The following CDYL variants were observed in gnomAD, a reference collection of about 807,000 sequenced individuals.
CDYL encodes the protein chromodomain Y like, also known as chromodomain Y-like protein.
Under a neutral mutation model 47.3 loss-of-function variants are expected in CDYL, and 8 were observed. The observed-to-expected ratio is 0.17, with a 90% confidence interval of 0.10 to 0.31. The LOEUF is 0.31. Among genes scored for constraint, CDYL ranks in the 10% least tolerant of loss-of-function variants. The pLI, the probability that CDYL is intolerant of heterozygous loss-of-function variation, is 1.00. For missense variants in CDYL, 471 were observed against 701.4 expected, an observed-to-expected ratio of 0.67 and a Z score of 3.71; for synonymous variants, 266 against 265.0, an observed-to-expected ratio of 1.00 and a Z score of -0.04.
chr6:4,839,454 T>C (rs895370308), intron 1 of CDYL, among the ~76,000 whole-genome samples: 4 of 152,388 alleles, frequency 2.6e-5, no homozygotes, highest in African/African-American at 9.6e-5. Context: ...TTTGTTTTTG[T>C]TGCATTTGCT....
chr6:4,753,341 C>A (rs1489599389), intron 3 of CDYL, among the ~76,000 whole-genome samples: 2 of 152,186 alleles, frequency 1.3e-5, no homozygotes, highest in Non-Finnish European at 2.9e-5. Context: ...TATGAGGTAG[C>A]TTTCCTCTTG....
At chr6:4,717,489 G>T (rs1010769573) in intron 2 of CDYL, among the ~76,000 whole-genome samples, 2 of 151,792 alleles carry the variant, frequency 1.3e-5, no homozygotes, top group African/African-American at 4.8e-5. Context: ...TTGAGGCCAG[G>T]AGTTCAGCAA....
Position 4,809,946 on chromosome 6 carries a change from G to A in CDYL, c.24+33139G>A, listed in dbSNP as rs186271145. ...TAGGGGTATTATATTAGTCCTTGGCGATATTTTGTATGGTAGGGGTATTAT... is the reference window on the plus strand; with the variant it reads ...TAGGGGTATTATATTAGTCCTTGGCAATATTTTGTATGGTAGGGGTATTAT... On this transcript the variant is annotated intron_variant, in intron 1 of 6. Transcript: ENST00000397588. Among the ~76,000 whole-genome samples the A allele has an allele frequency of 5.3e-5, 8 of 151,468 alleles. No homozygotes were observed. The East Asian group carries it at 1.2e-3, about 22-fold the overall frequency.
intron 3 of CDYL, among the ~76,000 whole-genome samples, chr6:4,746,076 T>G (rs888110401): frequency 6.6e-6 from 1 of 151,830 alleles, no homozygotes; most frequent in Non-Finnish European, 1.5e-5. Context: ...AGAAGGTTCA[T>G]TCTAGCTGGC....
chr6:4,881,624 A>G (rs1039025477), intron 1 of CDYL, among the ~76,000 whole-genome samples: 3 of 152,098 alleles, frequency 2.0e-5, no homozygotes, highest in African/African-American at 7.2e-5. Flanking sequence ...ATTGTTATAT[A>G]TTTTCTGTCT....
chr6:4,894,071 G>A (rs1762127955), intron 2 of CDYL, among the ~76,000 whole-genome samples: 1 of 152,210 alleles, frequency 6.6e-6, no homozygotes, highest in Non-Finnish European at 1.5e-5. Flanking sequence ...TGACCTCATG[G>A]ATACAGTTTT....
intron 1 of CDYL, among the ~76,000 whole-genome samples, chr6:4,832,772 C>CA (rs1269685435): frequency 1.4e-5 from 2 of 146,120 alleles, no homozygotes; most frequent in African/African-American, 2.6e-5. Context: ...TTGGTCTATT[C>CA]AGAGATTCAA....
At chr6:4,734,990 T>C in intron 3 of CDYL, 1 of 1,383,474 alleles carries the variant, frequency 7.2e-7, no homozygotes, top group Non-Finnish European at 9.5e-7. Flanking sequence ...GTGGACTCCT[T>C]AGAATGATGT....
At chr6:4,796,774 T>TA (rs1759082889) in intron 1 of CDYL, among the ~76,000 whole-genome samples, 2 of 152,222 alleles carry the variant, frequency 1.3e-5, no homozygotes, top group Middle Eastern at 3.2e-3. Context: ...GAGCACCATA[T>TA]AACTAGATTT....
chr6:4,935,629 C>G lies in CDYL; in HGVS notation c.806C>G (p.Pro269Arg). The change falls in exon 3 of 7, where the codon CCT (proline) becomes CGT (arginine). Residue 269 changes from proline to arginine, a missense_variant. Physicochemically the swap from Pro to Arg is moderately radical, Grantham distance 103. Transcript: ENST00000397588. ...TTTATTGACGACAGAAGAGACCAGCCTTTTGACAAGCGATTGCGTTTCAGC... is the reference window on the plus strand; with the variant it reads ...TTTATTGACGACAGAAGAGACCAGCGTTTTGACAAGCGATTGCGTTTCAGC... ...RKFIDDRRDQ[P>R]FDKRLRFSVR... 1 of 1,614,218 alleles carries G rather than the reference C, an allele frequency of 6.2e-7. No individual in the cohort carries two copies. Among genetic ancestry groups the G allele is most frequent in the Non-Finnish European group, 8.5e-7 (1 of 1,180,048 alleles).
At chr6:4,788,355 T>C (rs1479520317) in intron 1 of CDYL, among the ~76,000 whole-genome samples, 4 of 151,462 alleles carry the variant, frequency 2.6e-5, no homozygotes, top group African/African-American at 7.3e-5. Flanking sequence ...AGTGTGGTGG[T>C]GCCTGTAGTC....
At chr6:4,712,593 C>T (rs1239931686) in intron 1 of CDYL, among the ~76,000 whole-genome samples, 1 of 152,232 alleles carries the variant, frequency 6.6e-6, no homozygotes, top group Admixed American at 6.5e-5. Context: ...GGTGGGTACT[C>T]TCATGCCCTG....
rs140138635 is a variant in CDYL at position 4,937,636 on chromosome 6, C to T, written c.1020C>T (p.Ala340=). 140 of 1,613,774 alleles carry T rather than the reference C, an allele frequency of 8.7e-5. No homozygotes were observed. The African/African-American group carries it at 1.6e-3, about 18-fold the overall frequency. The change falls in exon 4 of 7, where the codon GCC becomes GCT. Residue 340 remains alanine (A), a synonymous_variant. Transcript: ENST00000397588. ...ACAGCAAGCTGGTACTGCTCAGCGCCGTTGGCAGCGTCTTCTGTTGTGGAC... is the reference window on the plus strand; with the variant it reads ...ACAGCAAGCTGGTACTGCTCAGCGCTGTTGGCAGCGTCTTCTGTTGTGGAC... ...ADDSKLVLLS[A]VGSVFCCGLD... is the part of the protein sequence containing the mutation.
At chr6:4,788,693 T>A (rs1758831344) in intron 1 of CDYL, among the ~76,000 whole-genome samples, 1 of 151,482 alleles carries the variant, frequency 6.6e-6, no homozygotes, top group Admixed American at 6.6e-5. Flanking sequence ...GGGTGGGAAC[T>A]GTAAGGATGG....
intron 5 of CDYL, among the ~76,000 whole-genome samples, chr6:4,947,551 G>T (rs1758561427): frequency 6.6e-6 from 1 of 152,152 alleles, no homozygotes; most frequent in South Asian, 2.1e-4. Context: ...TTAGCACGTG[G>T]ACGGCTGCCT....
intron 2 of CDYL, among the ~76,000 whole-genome samples, chr6:4,907,489 C>T (rs1351992500): frequency 1.1e-4 from 16 of 151,990 alleles, no homozygotes; most frequent in Non-Finnish European, 2.1e-4. Context: ...TCCAAGTAGC[C>T]GGGACTGCAG....
At chr6:4,882,843 A>C (rs1194230913) in intron 1 of CDYL, among the ~76,000 whole-genome samples, 1 of 152,178 alleles carries the variant, frequency 6.6e-6, no homozygotes, top group Admixed American at 6.5e-5. Flanking sequence ...ACTGCCCCAG[A>C]TGAGGTTTCC....
chr6:4,915,872 C>T (rs775694389), intron 2 of CDYL, among the ~76,000 whole-genome samples: 15 of 152,180 alleles, frequency 9.9e-5, no homozygotes, highest in Admixed American at 2.0e-4. Context: ...TTCGTCTGTA[C>T]GGCAAGAAGC....
chr6:4,720,232 A>C (rs1025670568), intron 2 of CDYL, among the ~76,000 whole-genome samples: 7 of 152,220 alleles, frequency 4.6e-5, no homozygotes, highest in African/African-American at 1.7e-4. Flanking sequence ...AGTGCAAAAA[A>C]TTCTTACAAA....
Sources: allele counts gnomAD v4.1 joint callset (sites outside exome capture counted in the v4.1 genomes callset), GRCh38; gene constraint gnomAD v4.1.1; transcripts MANE v1.5; gene names NCBI Gene and HGNC (gene_info 2026-07-23, HGNC 2026-07-21).